Variants in FBXL7 observed in about 807,000 individuals in gnomAD.
FBXL7 encodes the protein F-box/LRR-repeat protein 7.
In FBXL7, 12 loss-of-function variants were observed where a neutral mutation model predicts 38.3. The observed-to-expected ratio is 0.31, with a 90% CI of 0.20 to 0.51. The LOEUF (loss-of-function observed/expected upper bound fraction) is 0.51, where lower values mean the gene tolerates loss of function less well. FBXL7 is among the 20% of genes least tolerant of loss of function. FBXL7 has a pLI of 0.98. For synonymous variants in FBXL7, 297 were observed against 300.9 expected (o/e 0.99, Z 0.13); for missense variants, 567 against 676.4 (o/e 0.84, Z 1.79).
intron 2 of FBXL7, among the ~76,000 whole-genome samples, chr5:15,859,814 A>G (rs891627397): frequency 3.9e-5 from 6 of 152,184 alleles, no homozygotes; most frequent in African/African-American, 1.4e-4. Flanking sequence ...AGATATCAAT[A>G]GCGCCAAGGC....
intron 1 of FBXL7, among the ~76,000 whole-genome samples, chr5:15,584,487 G>A (rs1049385879): frequency 1.2e-4 from 18 of 152,192 alleles, no homozygotes; most frequent in Admixed American, 1.0e-3. Context: ...CATAGCAAGT[G>A]TGACCTTTGC....
chr5:15,849,682 T>C (rs570593104), intron 2 of FBXL7, among the ~76,000 whole-genome samples: 11 of 152,350 alleles, frequency 7.2e-5, no homozygotes, highest in Admixed American at 3.3e-4. Flanking sequence ...GTCTCAGGTG[T>C]GTCTTTATTA....
chr5:15,718,713 T>G (rs1269932118), intron 2 of FBXL7, among the ~76,000 whole-genome samples: 1 of 152,232 alleles, frequency 6.6e-6, no homozygotes, highest in Non-Finnish European at 1.5e-5. Flanking sequence ...ATCAGTACAA[T>G]TCTGCAGTGT....
At chr5:15,693,951 G>A (rs1219236477) in intron 2 of FBXL7, among the ~76,000 whole-genome samples, 1 of 152,144 alleles carries the variant, frequency 6.6e-6, no homozygotes, top group Non-Finnish European at 1.5e-5. Flanking sequence ...GTACACTAGG[G>A]CAAGAACCCA....
intron 1 of FBXL7, among the ~76,000 whole-genome samples, chr5:15,524,031 T>C (rs1013156164): frequency 1.3e-5 from 2 of 152,214 alleles, no homozygotes; most frequent in African/African-American, 4.8e-5. Context: ...GGAGATGATA[T>C]AGGGGTTTAA....
chr5:15,862,348 G>A (rs1327606208), intron 2 of FBXL7, among the ~76,000 whole-genome samples: 1 of 152,150 alleles, frequency 6.6e-6, no homozygotes, highest in African/African-American at 2.4e-5. Flanking sequence ...GGCCTCCACA[G>A]CCACATGGAA....
At chr5:15,820,406 C>T (rs1738137777) in intron 2 of FBXL7, among the ~76,000 whole-genome samples, 1 of 152,126 alleles carries the variant, frequency 6.6e-6, no homozygotes, top group Non-Finnish European at 1.5e-5. Flanking sequence ...TAATTCTCCC[C>T]TGTCTTACCC....
chr5:15,670,342 A>G (rs1742425367), intron 2 of FBXL7, among the ~76,000 whole-genome samples: 1 of 144,728 alleles, frequency 6.9e-6, no homozygotes, highest in East Asian at 2.1e-4. Flanking sequence ...TTTAAAATTA[A>G]AAGTCTTTCT....
intron 1 of FBXL7, among the ~76,000 whole-genome samples, chr5:15,555,002 ACT>A (rs554412357): frequency 1.4e-4 from 21 of 152,324 alleles, no homozygotes; most frequent in African/African-American, 4.6e-4. Context: ...CTTAAATATG[ACT>A]CAAAGCAATT....
At chr5:15,843,385 T>TCA (rs1554026050) in intron 2 of FBXL7, among the ~76,000 whole-genome samples, 2 of 152,314 alleles carry the variant, frequency 1.3e-5, no homozygotes, top group Non-Finnish European at 2.9e-5. Context: ...CTTCACAAGG[T>TCA]CATAGATTTC....
At chr5:15,809,078 T>C (rs1347904127) in intron 2 of FBXL7, among the ~76,000 whole-genome samples, 1 of 152,166 alleles carries the variant, frequency 6.6e-6, no homozygotes, top group Non-Finnish European at 1.5e-5. Context: ...ATTTTCTTGC[T>C]AGTGGTCTCC....
intron 2 of FBXL7, among the ~76,000 whole-genome samples, chr5:15,703,672 A>C (rs2126635470): frequency 6.6e-6 from 1 of 152,288 alleles, no homozygotes; most frequent in East Asian, 1.9e-4. Flanking sequence ...AAGTCAGAAA[A>C]GTTTTGGTAG....
intron 2 of FBXL7, among the ~76,000 whole-genome samples, chr5:15,882,870 G>A (rs1349438165): frequency 6.6e-6 from 1 of 151,878 alleles, no homozygotes; most frequent in Non-Finnish European, 1.5e-5. Context: ...CAGCTCGAAT[G>A]TCAGAGCTCT....
At chr5:15,687,972 G>A (rs558510328) in intron 2 of FBXL7, among the ~76,000 whole-genome samples, 1 of 152,290 alleles carries the variant, frequency 6.6e-6, no homozygotes, top group South Asian at 2.1e-4. Context: ...AACAGGCAGC[G>A]ACTCTGCATG....
In FBXL7 at chr5:15,565,908, C is replaced by G. The variant is rs77195922; in HGVS notation, c.38-50075C>G. ...ATCTACTTTACTCAGTCTACTGATT[C>G]AAATGTGAATCTTATCCAAAAACAT... On this transcript the variant is annotated intron_variant, in intron 1 of 3. Transcript: ENST00000504595. Among the ~76,000 whole-genome samples, 999 of 152,244 alleles carry G rather than the reference C, an allele frequency of 6.6e-3. 9 individuals carry two copies. Among genetic ancestry groups the G allele is most frequent in the African/African-American group, 0.023 (956 of 41,552 alleles).
intron 2 of FBXL7, among the ~76,000 whole-genome samples, chr5:15,901,927 A>G (rs1391484295): frequency 6.6e-6 from 1 of 151,360 alleles, no homozygotes; most frequent in Non-Finnish European, 1.5e-5. Flanking sequence ...ATTTAACTGC[A>G]TCCTTCAACA....
At chr5:15,820,298 T>A (rs557169782) in intron 2 of FBXL7, among the ~76,000 whole-genome samples, 1 of 152,156 alleles carries the variant, frequency 6.6e-6, no homozygotes, top group African/African-American at 2.4e-5. Context: ...CCTCACCTCC[T>A]CAGGCACTGT....
At chr5:15,513,363 A>C (rs1049769125) in intron 1 of FBXL7, among the ~76,000 whole-genome samples, 2 of 152,204 alleles carry the variant, frequency 1.3e-5, no homozygotes, top group African/African-American at 4.8e-5. Flanking sequence ...ATAACATGAT[A>C]TCCATTAGAG....
chr5:15,549,174 A>G (rs1166949893), intron 1 of FBXL7, among the ~76,000 whole-genome samples: 2 of 152,182 alleles, frequency 1.3e-5, no homozygotes, highest in African/African-American at 2.4e-5. Flanking sequence ...ATTTCCTTTC[A>G]CATCACTAAA....
Sources: gnomAD v4.1 joint callset for allele counts (sites outside exome capture counted in the v4.1 genomes callset) on GRCh38, gnomAD v4.1.1 for gene constraint, MANE v1.5 for transcripts, NCBI Gene and HGNC (gene_info 2026-07-23, HGNC 2026-07-21) for gene names.